Variants in COL18A1 observed in about 807,000 individuals in gnomAD.
The protein encoded by COL18A1 is collagen alpha-1(XVIII) chain.
A neutral mutation model predicts 168.0 loss-of-function variants in COL18A1; 133 were observed. That is an observed-to-expected ratio of 0.79 (90% CI 0.69 to 0.91). The LOEUF (loss-of-function observed/expected upper bound fraction) is 0.91. Among genes scored for constraint, COL18A1 ranks in the 40% least tolerant of loss-of-function variants. COL18A1 has a pLI of 0.00. For missense variants in COL18A1, 2,126 were observed against 1,925.4 expected (o/e 1.10, Z -1.95); for synonymous variants, 949 against 809.0 (o/e 1.17, Z -2.94).
intron 32 of COL18A1, among the ~76,000 whole-genome samples, chr21:45,500,358 G>A (rs1286437599): frequency 1.6e-5 from 2 of 124,608 alleles, no homozygotes; most frequent in Admixed American, 1.6e-4. Context: ...GGTGTTGGGT[G>A]TGTAGTGTGT....
Position 45,491,300 on chromosome 21 carries a change from G to C in COL18A1, c.2143G>C (p.Val715Leu). 1.2e-6 allele frequency: 2 copies of C among 1,611,848 alleles called. No homozygotes were observed. The highest frequency in any genetic ancestry group is 1.7e-6 in the Non-Finnish European group (2 of 1,179,388). Residue 715 changes from valine (V) to leucine (L), a missense_variant, in exon 22 of 42, where the codon GTG becomes CTG. Transcript: ENST00000651438. The part of the protein sequence containing the change: ...PPGPPGPVVY[V>L]SEQDGSVLSV... ...CGGACCCCCGGGACCTGTGGTCTAC[G>C]TGTCGGAGCAGGACGTAAGGACGCT...
intron 2 of COL18A1, chr21:45,456,134 T>C: frequency 1.3e-6 from 2 of 1,583,574 alleles, no homozygotes; most frequent in Non-Finnish European, 1.7e-6. Context: ...GGGCAGGCCC[T>C]GGGCACCACT....
chr21:45,498,313 C>CGGTCCCCTCTCGCCGCCAG lies in COL18A1; in HGVS notation c.2683+664_2683+682dup, dbSNP rs748650118. 1 of 691,168 alleles carries CGGTCCCCTCTCGCCGCCAG rather than the reference C, an allele frequency of 1.4e-6. No homozygotes were observed. Among genetic ancestry groups the CGGTCCCCTCTCGCCGCCAG allele is most frequent in the African/African-American group, 1.8e-5 (1 of 54,814 alleles). 42.8% of individuals were successfully genotyped at this position (691,168 alleles called of 1,614,324 possible). ...CCACCAGGGTCCCCTCTCGCCGCCA[C>CGGTCCCCTCTCGCCGCCAG]GGTCCCCTCTCGCCGCCAGGGTCCC... On this transcript the variant is annotated intron_variant, in intron 32 of 41. Coordinates refer to ENST00000651438, the MANE Select transcript of COL18A1 (RefSeq NM_001379500.1). This position sits in a 1 kb window ranked among gnomAD's most constrained non-coding sequence, Gnocchi z 4.5.
At chr21:45,495,768 T>G (rs2146005153) in intron 29 of COL18A1, 1 of 366,696 alleles carries the variant, frequency 2.7e-6, no homozygotes, top group South Asian at 2.3e-5. Flanking sequence ...GCCCATACAC[T>G]CCACATAGGT....
chr21:45,495,783 A>G, intron 29 of COL18A1: 3 of 357,452 alleles, frequency 8.4e-6, no homozygotes, highest in African/African-American at 2.1e-5. Context: ...ATAGGTGCAC[A>G]TATACACATG....
At chr21:45,511,929 C>G (rs2037634374) in intron 41 of COL18A1, among the ~76,000 whole-genome samples, 1 of 152,224 alleles carries the variant, frequency 6.6e-6, no homozygotes, top group South Asian at 2.1e-4. Context: ...GTTCACCCAG[C>G]CAGGCCAAGC....
At chr21:45,447,186 G>A (rs1396282222) in intron 2 of COL18A1, among the ~76,000 whole-genome samples, 1 of 150,984 alleles carries the variant, frequency 6.6e-6, no homozygotes, top group Non-Finnish European at 1.5e-5. Context: ...TATTTTTAGA[G>A]GCCAGATCTT....
At chr21:45,406,645 C>T (rs2033119981) in intron 2 of COL18A1, among the ~76,000 whole-genome samples, 1 of 152,184 alleles carries the variant, frequency 6.6e-6, no homozygotes, top group South Asian at 2.1e-4. Context: ...CAGAGCTGCC[C>T]TCTGAGCCGG....
intron 18 of COL18A1, 132 bp from the exon 19 acceptor site, chr21:45,489,354 C>G: frequency 1.3e-6 from 1 of 774,978 alleles, no homozygotes; most frequent in Non-Finnish European, 2.3e-6. Flanking sequence ...CCTGGGACCC[C>G]TCGGCTCTGG....
At chr21:45,503,141 G>A (rs985501498) in intron 32 of COL18A1, among the ~76,000 whole-genome samples, 2 of 152,104 alleles carry the variant, frequency 1.3e-5, no homozygotes, top group Non-Finnish European at 2.9e-5. Flanking sequence ...CTGAGGAATC[G>A]CCACACTGAC....
rs994469014 is a variant in COL18A1 at position 45,457,808 on chromosome 21, T to C, written c.107-10434T>C. Reference sequence around the variant, plus strand: ...GGGAAGCAGCCTTGCTGTTTGCTCTTTGGGCTTTGGGACAGGGTTGGTGGG... The same window carrying C: ...GGGAAGCAGCCTTGCTGTTTGCTCTCTGGGCTTTGGGACAGGGTTGGTGGG... On this transcript the variant is annotated intron_variant, in intron 2 of 41. Coordinates refer to ENST00000651438, the MANE Select transcript of COL18A1 (RefSeq NM_001379500.1). The surrounding 1 kb of genome is among the most constrained non-coding windows in gnomAD (Gnocchi z 4.6). Among the ~76,000 whole-genome samples, 4 of 152,120 alleles carry C rather than the reference T, an allele frequency of 2.6e-5. No homozygotes were observed. Among genetic ancestry groups the C allele is most frequent in the African/African-American group, 7.2e-5 (3 of 41,420 alleles).
chr21:45,439,211 G>A (rs2034300320), intron 2 of COL18A1, among the ~76,000 whole-genome samples: 1 of 152,226 alleles, frequency 6.6e-6, no homozygotes, highest in Non-Finnish European at 1.5e-5. Flanking sequence ...GGTCATTTCC[G>A]CAACAGAACA....
At chr21:45,494,710 G>A in intron 27 of COL18A1, 139 bp downstream of exon 27, 1 of 1,391,094 alleles carries the variant, frequency 7.2e-7, no homozygotes, top group Non-Finnish European at 1.0e-6. Flanking sequence ...TGTGGGGCAG[G>A]TGTCGGCGTG....
Position 45,509,554 on chromosome 21 carries a change from C to G in COL18A1, c.3448C>G (p.Arg1150Gly), listed in dbSNP as rs1057518802. The G allele has an allele frequency of 6.5e-7, 1 of 1,533,292 alleles. No individual in the cohort carries two copies. The highest frequency in any genetic ancestry group is 8.7e-7 in the Non-Finnish European group (1 of 1,142,866). 95.0% of individuals were successfully genotyped at this position (1,533,292 alleles called of 1,614,324 possible). The change falls in exon 39 of 42, where the codon CGA becomes GGA. Residue 1150 changes from arginine to glycine, a missense_variant. Arg to Gly is a moderately radical substitution (Grantham distance 125). Coordinates refer to ENST00000651438, the MANE Select transcript of COL18A1 (RefSeq NM_001379500.1). ...CTCCTACGTGCACCTGCGGCCGGCG[C>G]GACCCACAAGCCCACCCGCCCACAG... ...HSSYVHLRPA[R>G]PTSPPAHSHR...
At chr21:45,436,231 G>T (rs1184860956) in intron 2 of COL18A1, among the ~76,000 whole-genome samples, 1 of 152,154 alleles carries the variant, frequency 6.6e-6, no homozygotes. Flanking sequence ...AGCTGATGGT[G>T]GGCCCCTGGG....
chr21:45,490,377 G>A, intron 20 of COL18A1, 31 bp downstream of exon 20: 2 of 1,518,786 alleles, frequency 1.3e-6, no homozygotes, highest in South Asian at 1.2e-5. Context: ...CAGGGTGCAG[G>A]GGGGGCGTGG....
At chr21:45,477,595 C>T (rs1220431474) in intron 7 of COL18A1, 108 bp downstream of exon 7, 1 of 1,313,926 alleles carries the variant, frequency 7.6e-7, no homozygotes, top group Non-Finnish European at 1.1e-6. Flanking sequence ...CCCGTGCCTC[C>T]TTTGTGCCCA....
Position 45,487,471 on chromosome 21 carries a change from C to T in COL18A1, c.1858C>T (p.Pro620Ser). 1 of 1,613,090 alleles carries T rather than the reference C, an allele frequency of 6.2e-7. No homozygotes were observed. The highest frequency in any genetic ancestry group is 8.5e-7 in the Non-Finnish European group (1 of 1,180,002). The change falls in exon 17 of 42, where the codon CCC becomes TCC. Residue 620 changes from proline (P) to serine (S), a missense_variant. Coordinates refer to ENST00000651438, the MANE Select transcript of COL18A1 (RefSeq NM_001379500.1). ...GFDDMEGSGG[P>S]FWSTARSADG... is the part of the protein sequence containing the mutation. ...GGATGACATGGAAGGCTCCGGGGGGCCCTTCTGGTCAACAGCCCGAAGCGC... is the reference window on the plus strand; with the variant it reads ...GGATGACATGGAAGGCTCCGGGGGGTCCTTCTGGTCAACAGCCCGAAGCGC...
chr21:45,492,824 T>C (rs970939164), intron 24 of COL18A1, 111 bp downstream of exon 24: 22 of 855,106 alleles, frequency 2.6e-5, no homozygotes, highest in Non-Finnish European at 3.9e-5. Flanking sequence ...GCCCGAGGGA[T>C]AGCGACAGTC....
Sources: gnomAD v4.1 joint callset for allele counts (sites outside exome capture counted in the v4.1 genomes callset) on GRCh38, gnomAD v4.1.1 for gene constraint, Gnocchi (gnomAD v3.1) non-coding constraint, MANE v1.5 for transcripts, NCBI Gene and HGNC (gene_info 2026-07-23, HGNC 2026-07-21) for gene names.